RBM33: variants seen among roughly 807,000 people sequenced by gnomAD.
RBM33 encodes RNA binding motif protein 33.
RBM33 carries 28 observed loss-of-function variants against 132.6 expected under a neutral mutation model. The observed-to-expected ratio is 0.21, with a 90% CI of 0.16 to 0.29. RBM33 has a LOEUF of 0.29. RBM33 is among the 10% of genes least tolerant of loss of function. The probability of loss-of-function intolerance (pLI) is 1.00; values close to 1 mark genes in which losing one functional copy is unlikely to be tolerated. For synonymous variants in RBM33, 634 were observed against 593.0 expected (o/e 1.07, Z -1.01); for missense variants, 1,291 against 1,518.5 (o/e 0.85, Z 2.49).
At position 155,742,102 on chromosome 7, in the gene RBM33, C is replaced by T; in HGVS notation, c.2333C>T (p.Thr778Ile). The change falls in exon 13 of 18, where the codon ACA (threonine) becomes ATA (isoleucine). Residue 778 changes from threonine to isoleucine, a missense_variant. Around this residue, in one of 7 missense-constraint regions of RBM33, gnomAD observed 841 missense variants for 912.0 expected, o/e 0.92. Coordinates refer to ENST00000401878, the MANE Select transcript of RBM33 (RefSeq NM_053043.3). Reference sequence around the variant, plus strand: ...CCTAAAGAAGAGGCAAAAACAGAAACAGAGGTAGGACACTGCTCTTATTAA... The same window carrying T: ...CCTAAAGAAGAGGCAAAAACAGAAATAGAGGTAGGACACTGCTCTTATTAA... ...AQPKEEAKTE[T>I]EFPDEDEETR... 1 of 1,612,034 alleles carries T rather than the reference C, an allele frequency of 6.2e-7. No homozygotes were observed. The highest frequency in any genetic ancestry group is 8.5e-7 in the Non-Finnish European group (1 of 1,178,618).
intron 5 of RBM33, among the ~76,000 whole-genome samples, chr7:155,688,860 T>C (rs1799551625): frequency 1.3e-5 from 2 of 152,252 alleles, no homozygotes; most frequent in African/African-American, 4.8e-5. Context: ...TTTGATGTGC[T>C]GCTGGATTCG....
At chr7:155,710,787 C>G (rs999685290) in intron 7 of RBM33, among the ~76,000 whole-genome samples, 5 of 152,174 alleles carry the variant, frequency 3.3e-5, no homozygotes, top group African/African-American at 9.7e-5. Context: ...CATCTCCTGC[C>G]TTGCTTACCA....
intron 1 of RBM33, among the ~76,000 whole-genome samples, chr7:155,663,788 C>G (rs1488809849): frequency 1.3e-5 from 2 of 152,090 alleles, no homozygotes; most frequent in Non-Finnish European, 2.9e-5. Flanking sequence ...CCACCTGCCC[C>G]TAGGTAGACT....
chr7:155,741,408 C>T (rs1198981937), intron 12 of RBM33, among the ~76,000 whole-genome samples: 1 of 152,208 alleles, frequency 6.6e-6, no homozygotes, highest in Non-Finnish European at 1.5e-5. Flanking sequence ...CTTGTTCCAG[C>T]TTAAATTTAA....
rs1378960713 is a variant in RBM33, at chr7:155,771,048, G to T, written c.3376-3511G>T. On this transcript the variant is annotated intron_variant, in intron 16 of 17. Coordinates refer to ENST00000401878, the MANE Select transcript of RBM33 (RefSeq NM_053043.3). Reference sequence around the variant, plus strand: ...GAAAAGCCAATCAGGGTGAGAGCTGGTGTGCCAGGCTTTCCCCTCTCCCTG... The same window carrying T: ...GAAAAGCCAATCAGGGTGAGAGCTGTTGTGCCAGGCTTTCCCCTCTCCCTG... Among the ~76,000 whole-genome samples, 3 of 152,196 alleles carry T rather than the reference G, an allele frequency of 2.0e-5. No individual in the cohort carries two copies. The East Asian group carries it at 5.8e-4, about 29-fold the overall frequency.
At position 155,739,784 on chromosome 7, in the gene RBM33, C is replaced by A; in HGVS notation, c.1807C>A (p.Pro603Thr). Reference protein sequence around the residue: ...QPQQPQQQPPPQHQPPHQPPH... With the variant: ...QPQQPQQQPPTQHQPPHQPPH... ...TCAGCAACCTCAGCAACAGCCCCCG[C>A]CACAGCACCAGCCTCCGCACCAGCC... The change falls in exon 12 of 18, where the codon CCA becomes ACA. Residue 603 changes from proline (P) to threonine (T), a missense_variant. Physicochemically the swap from Pro to Thr is conservative, Grantham distance 38 (BLOSUM62 -1). Coordinates refer to ENST00000401878, the MANE Select transcript of RBM33 (RefSeq NM_053043.3). 6.5e-7 allele frequency: 1 copy of A among 1,534,490 alleles called. No homozygotes were observed. Among genetic ancestry groups the A allele is most frequent in the Non-Finnish European group, 8.8e-7 (1 of 1,135,102 alleles).
In RBM33 at chr7:155,745,353, G is replaced by A; in HGVS notation, c.2730G>A (p.Leu910=). The change falls in exon 14 of 18, where the codon CTG becomes CTA. Residue 910 remains leucine, a synonymous_variant. Transcript: ENST00000401878. The surrounding 1 kb of genome is among the most constrained non-coding windows in gnomAD (Gnocchi z 4.1). ...MQYQGQQMKA[L]KHLRQTRTVP... is the part of the protein sequence containing the mutation. ...ATCAAGGACAACAGATGAAAGCACTGAAACATTTGAGACAGACCAGAACAG... is the reference window on the plus strand; with the variant it reads ...ATCAAGGACAACAGATGAAAGCACTAAAACATTTGAGACAGACCAGAACAG... 6.2e-7 allele frequency: 1 copy of A among 1,613,142 alleles called. No individual in the cohort carries two copies. The highest frequency in any genetic ancestry group is 8.5e-7 in the Non-Finnish European group (1 of 1,179,474).
chr7:155,679,205 G>C (rs1799270539), intron 4 of RBM33, among the ~76,000 whole-genome samples: 1 of 151,890 alleles, frequency 6.6e-6, no homozygotes, highest in African/African-American at 2.4e-5. Flanking sequence ...AAAATCAGTA[G>C]GTCTTTCATT....
chr7:155,679,178 A>ACAAAAAAC (rs200821596), intron 4 of RBM33, among the ~76,000 whole-genome samples: 1 of 151,896 alleles, frequency 6.6e-6, no homozygotes, highest in Admixed American at 6.6e-5. Context: ...TCTTAAAAAA[A>ACAAAAAAC]AAAAAACAAA....
chr7:155,692,333 T>G (rs1344380699), intron 5 of RBM33, among the ~76,000 whole-genome samples: 1 of 152,178 alleles, frequency 6.6e-6, no homozygotes, highest in East Asian at 1.9e-4. Context: ...TTTCTGAGGG[T>G]CCTTCATTTA....
intron 5 of RBM33, among the ~76,000 whole-genome samples, chr7:155,690,205 A>G (rs1799595255): frequency 1.3e-5 from 2 of 152,100 alleles, no homozygotes; most frequent in Admixed American, 1.3e-4. Context: ...TGTTGAATTG[A>G]TCCCTTTACC....
chr7:155,738,497 T>C (rs1801205801), intron 11 of RBM33, 94 bp downstream of exon 11: 2 of 1,211,262 alleles, frequency 1.7e-6, no homozygotes, highest in Non-Finnish European at 2.3e-6. Flanking sequence ...AGCCTACTAA[T>C]TTGTGGTTAT....
Position 155,700,754 on chromosome 7 carries a change from T to C in RBM33, c.568-19T>C. 1 of 1,526,202 alleles carries C rather than the reference T, an allele frequency of 6.6e-7. No homozygotes were observed. The highest frequency in any genetic ancestry group is 1.3e-5 in the South Asian group (1 of 79,570). The allele number at this position is 1,526,202 out of a possible 1,614,324, so 94.5% of individuals were successfully genotyped here. On this transcript the variant is annotated intron_variant, in intron 5 of 17. Coordinates refer to ENST00000401878, the MANE Select transcript of RBM33 (RefSeq NM_053043.3). Reference sequence around the variant, plus strand: ...ATGAACTTACTGTCCTTTTTTTGCCTTGTGTATCTGCAATATAGGGAGGTA... The same window carrying C: ...ATGAACTTACTGTCCTTTTTTTGCCCTGTGTATCTGCAATATAGGGAGGTA...
chr7:155,712,190 C>T (rs1020784870), intron 8 of RBM33, among the ~76,000 whole-genome samples: 1 of 152,190 alleles, frequency 6.6e-6, no homozygotes, highest in African/African-American at 2.4e-5. Flanking sequence ...GCAGCATGCC[C>T]CCCTTCAATT....
chr7:155,669,424 C>T (rs1798886230), intron 2 of RBM33, among the ~76,000 whole-genome samples: 1 of 152,184 alleles, frequency 6.6e-6, no homozygotes, highest in African/African-American at 2.4e-5. Flanking sequence ...GCGATATCAG[C>T]TCACTGCAAC....
intron 9 of RBM33, among the ~76,000 whole-genome samples, chr7:155,725,243 T>C (rs1800760936): frequency 6.8e-6 from 1 of 147,944 alleles, no homozygotes; most frequent in Admixed American, 6.8e-5. Context: ...AAGTACGGTA[T>C]TCATAGAGCA....
intron 5 of RBM33, among the ~76,000 whole-genome samples, chr7:155,699,964 G>T (rs2116956465): frequency 6.6e-6 from 1 of 152,282 alleles, no homozygotes; most frequent in East Asian, 1.9e-4. Flanking sequence ...CTTATTTTAT[G>T]TCTAAGAGTG....
chr7:155,670,889 C>T (rs956949638), intron 2 of RBM33, among the ~76,000 whole-genome samples: 1 of 152,146 alleles, frequency 6.6e-6, no homozygotes, highest in Admixed American at 6.5e-5. Context: ...AAAATGTTTT[C>T]GTTGAGAAAA....
chr7:155,665,742 A>C (rs992949382), intron 2 of RBM33, among the ~76,000 whole-genome samples: 25 of 152,256 alleles, frequency 1.6e-4, no homozygotes, highest in Non-Finnish European at 2.9e-4. Flanking sequence ...ACACACAAAC[A>C]CAATTTAAAA....
Sources: allele counts gnomAD v4.1 joint callset (sites outside exome capture counted in the v4.1 genomes callset), GRCh38; gene constraint gnomAD v4.1.1; regional missense constraint gnomAD v4.1.1; non-coding constraint Gnocchi (gnomAD v3.1); transcripts MANE v1.5; gene names NCBI Gene and HGNC (gene_info 2026-07-23, HGNC 2026-07-21).